Variants in SLC16A10 observed in about 807,000 individuals in gnomAD.
SLC16A10 encodes the protein monocarboxylate transporter 10.
SLC16A10 carries 27 observed loss-of-function variants against 40.0 expected under a neutral mutation model. The ratio of observed to expected loss-of-function variants is 0.67; its 90% CI spans 0.50 to 0.93. The LOEUF (loss-of-function observed/expected upper bound fraction) is 0.93, where lower values mean the gene tolerates loss of function less well. Ranked by LOEUF, SLC16A10 falls within the 40% of genes least tolerant of loss-of-function variation. The pLI is 0.00. For synonymous variants in SLC16A10, 213 were observed against 249.8 expected, an observed-to-expected ratio of 0.85 and a Z score of 1.39; for missense variants, 529 against 658.2, an observed-to-expected ratio of 0.80 and a Z score of 2.15.
In SLC16A10 at chr6:111,231,150, T is replaced by A. The variant is rs542230584; in HGVS notation, c.*8915T>A. On this transcript the variant is annotated 3_prime_UTR_variant, in exon 6 of 6. Transcript: ENST00000368851. Reference sequence around the variant, plus strand: ...ATAAGATTATTTTACTGTGGAAAAATGTGATACTCTTAGTAAATGCAATAA... The same window carrying A: ...ATAAGATTATTTTACTGTGGAAAAAAGTGATACTCTTAGTAAATGCAATAA... 1 of 151,688 alleles carries A rather than the reference T, an allele frequency of 6.6e-6. No homozygotes were observed. The highest frequency in any genetic ancestry group is 1.9e-4 in the East Asian group (1 of 5,170). The allele number at this position is 151,688 out of a possible 1,614,324, so 9.4% of individuals were successfully genotyped here.
Position 111,185,949 on chromosome 6 carries a change from G to A in SLC16A10, c.942+8284G>A, listed in dbSNP as rs1055962002. 4.6e-5 allele frequency among the ~76,000 whole-genome samples: 7 copies of A among 151,566 alleles called. No individual in the cohort carries two copies. In the South Asian group the frequency reaches 8.3e-4, roughly 18 times the overall value. On this transcript the variant is annotated intron_variant, in intron 3 of 5. Transcript: ENST00000368851. ...GGGTCTCACTCTCTTGTCCAGGCTG[G>A]TATGCAGGGGTGCAATCACACCTCA...
At chr6:111,116,568 G>A (rs1562402175) in intron 1 of SLC16A10, among the ~76,000 whole-genome samples, 3 of 152,136 alleles carry the variant, frequency 2.0e-5, no homozygotes, top group Non-Finnish European at 2.9e-5. Flanking sequence ...ATACAGGAAT[G>A]GTTAAATGCT....
intron 3 of SLC16A10, among the ~76,000 whole-genome samples, chr6:111,197,848 A>T (rs776902185): frequency 2.6e-5 from 4 of 152,100 alleles, no homozygotes; most frequent in Non-Finnish European, 4.4e-5. Context: ...GCAATAACTC[A>T]CTTATCACCA....
intron 1 of SLC16A10, among the ~76,000 whole-genome samples, chr6:111,134,769 C>G (rs1010800817): frequency 2.6e-5 from 4 of 152,190 alleles, no homozygotes; most frequent in Non-Finnish European, 5.9e-5. Context: ...AGGCCCACTG[C>G]CCCAGGGGAC....
At chr6:111,134,129 C>T (rs918467333) in intron 1 of SLC16A10, among the ~76,000 whole-genome samples, 4 of 152,186 alleles carry the variant, frequency 2.6e-5, no homozygotes, top group Non-Finnish European at 2.9e-5. Flanking sequence ...GGAAAGAGAA[C>T]GATTCCCCAC....
chr6:111,143,531 C>A (rs935741740), intron 1 of SLC16A10, among the ~76,000 whole-genome samples: 2 of 151,958 alleles, frequency 1.3e-5, no homozygotes, highest in Non-Finnish European at 2.9e-5. Flanking sequence ...AGAGATGGAG[C>A]CTTGCAATGT....
chr6:111,111,968 T>C, intron 1 of SLC16A10, among the ~76,000 whole-genome samples: 1 of 152,286 alleles, frequency 6.6e-6, no homozygotes, highest in Middle Eastern at 3.4e-3. Context: ...TAGAATATTT[T>C]TGTATGTGTG....
chr6:111,214,537 G>A (rs888972561), intron 4 of SLC16A10, among the ~76,000 whole-genome samples: 4 of 152,124 alleles, frequency 2.6e-5, no homozygotes, highest in East Asian at 3.9e-4. Flanking sequence ...ACGTTCTCAC[G>A]AGCCTCACCT....
chr6:111,160,618 T>G (rs1327950037), intron 1 of SLC16A10, among the ~76,000 whole-genome samples: 2 of 152,246 alleles, frequency 1.3e-5, no homozygotes, highest in Non-Finnish European at 2.9e-5. Flanking sequence ...CTACTGACGT[T>G]CAGCGGTTCC....
chr6:111,132,986 T>A (rs561541754), intron 1 of SLC16A10, among the ~76,000 whole-genome samples: 6 of 152,314 alleles, frequency 3.9e-5, no homozygotes, highest in African/African-American at 1.4e-4. Flanking sequence ...ACTCAAAAGG[T>A]TACCTACACC....
chr6:111,125,055 A>C (rs528083908), intron 1 of SLC16A10, among the ~76,000 whole-genome samples: 6 of 152,358 alleles, frequency 3.9e-5, no homozygotes, highest in African/African-American at 1.4e-4. Context: ...AAATACAACT[A>C]GGAAAGTATC....
At chr6:111,132,648 C>A (rs994309575) in intron 1 of SLC16A10, among the ~76,000 whole-genome samples, 6 of 152,226 alleles carry the variant, frequency 3.9e-5, no homozygotes. Context: ...AAATATGGGG[C>A]TCTTCTGTTA....
At chr6:111,218,685 A>G (rs1164735771) in intron 4 of SLC16A10, 129 bp from the exon 5 acceptor site, 2 of 715,632 alleles carry the variant, frequency 2.8e-6, no homozygotes, top group Non-Finnish European at 2.4e-6. Flanking sequence ...ATGTAAAATC[A>G]AAGTGAATGA....
intron 1 of SLC16A10, among the ~76,000 whole-genome samples, chr6:111,138,681 C>G (rs1476985319): frequency 6.6e-6 from 1 of 151,770 alleles, no homozygotes. Context: ...CAGGGTCTTG[C>G]TTGAATCTTG....
intron 1 of SLC16A10, among the ~76,000 whole-genome samples, chr6:111,168,131 C>T (rs1772512658): frequency 6.6e-6 from 1 of 152,126 alleles, no homozygotes; most frequent in African/African-American, 2.4e-5. Context: ...AGGCACCCGC[C>T]ACCACACCCA....
At chr6:111,198,263 G>C (rs1486566441) in intron 3 of SLC16A10, among the ~76,000 whole-genome samples, 3 of 152,100 alleles carry the variant, frequency 2.0e-5, no homozygotes, top group African/African-American at 7.2e-5. Flanking sequence ...TCCAGTCTGG[G>C]CAACCGAGTG....
chr6:111,148,021 T>C (rs1772110194), intron 1 of SLC16A10, among the ~76,000 whole-genome samples: 1 of 152,196 alleles, frequency 6.6e-6, no homozygotes, highest in African/African-American at 2.4e-5. Flanking sequence ...TTTAAATAGA[T>C]GCCTGTTATT....
chr6:111,148,438 T>C (rs1394277159), intron 1 of SLC16A10, among the ~76,000 whole-genome samples: 1 of 152,234 alleles, frequency 6.6e-6, no homozygotes, highest in South Asian at 2.1e-4. Flanking sequence ...CAGAGCATCT[T>C]TGTTTAATTG....
At chr6:111,146,079 A>G (rs1772071568) in intron 1 of SLC16A10, among the ~76,000 whole-genome samples, 1 of 152,242 alleles carries the variant, frequency 6.6e-6, no homozygotes. Flanking sequence ...ACTGGTGTCC[A>G]GAATATATAA....
Sources: gnomAD v4.1 joint callset for allele counts (sites outside exome capture counted in the v4.1 genomes callset) on GRCh38, gnomAD v4.1.1 for gene constraint, MANE v1.5 for transcripts, NCBI Gene and HGNC (gene_info 2026-07-23, HGNC 2026-07-21) for gene names.